Variants in RNF144A observed in about 807,000 individuals in gnomAD.
RNF144A encodes the protein ring finger protein 144A.
Under a neutral mutation model 38.7 loss-of-function variants are expected in RNF144A, and 11 were observed. The ratio of observed to expected loss-of-function variants is 0.28; its 90% CI spans 0.18 to 0.47. The LOEUF is 0.47. RNF144A is among the 20% of genes least tolerant of loss of function. The probability of loss-of-function intolerance (pLI) is 0.99; values close to 1 mark genes in which losing one functional copy is unlikely to be tolerated. For synonymous variants in RNF144A, 149 were observed against 143.9 expected (o/e 1.04, Z -0.25); for missense variants, 316 against 377.2 (o/e 0.84, Z 1.34).
At chr2:7,052,743 G>C (rs1260203351) in intron 6 of RNF144A, among the ~76,000 whole-genome samples, 3 of 152,000 alleles carry the variant, frequency 2.0e-5, no homozygotes, top group African/African-American at 7.3e-5. Flanking sequence ...TGGGGTGGGG[G>C]GGAATCACTC....
At chr2:6,992,884 G>A (rs1669482591) in intron 2 of RNF144A, among the ~76,000 whole-genome samples, 2 of 152,258 alleles carry the variant, frequency 1.3e-5, no homozygotes, top group Non-Finnish European at 1.5e-5. Flanking sequence ...TAAGTAAATT[G>A]CCTTATGCAC....
rs1361258558 is a variant in RNF144A at position 6,941,519 on chromosome 2, G to A, written c.-12+372G>A. Among the ~76,000 whole-genome samples, 1 of 152,238 alleles carries A rather than the reference G, an allele frequency of 6.6e-6. No individual in the cohort carries two copies. Among genetic ancestry groups the A allele is most frequent in the African/African-American group, 2.4e-5 (1 of 41,456 alleles). Reference sequence around the variant, plus strand: ...CTCAGAACTCAGTGAGGCAGCACCAGTGCCTGCTCTCACGAAGATTCTGTG... The same window carrying A: ...CTCAGAACTCAGTGAGGCAGCACCAATGCCTGCTCTCACGAAGATTCTGTG... On this transcript the variant is annotated intron_variant, in intron 2 of 8. Transcript: ENST00000320892. The surrounding 1 kb of genome is among the most constrained non-coding windows in gnomAD (Gnocchi z 6.5).
intron 2 of RNF144A, among the ~76,000 whole-genome samples, chr2:6,957,096 C>T (rs757603245): frequency 2.7e-4 from 41 of 152,144 alleles, no homozygotes; most frequent in Non-Finnish European, 5.1e-4. Context: ...CCTGGACAGC[C>T]CTTTGGTGGC....
At chr2:6,993,493 T>A (rs1669526187) in intron 2 of RNF144A, among the ~76,000 whole-genome samples, 1 of 152,050 alleles carries the variant, frequency 6.6e-6, no homozygotes, top group South Asian at 2.1e-4. Flanking sequence ...AGAATTGTCT[T>A]GGGAACAAGC....
rs1282429500 is a variant in RNF144A, at chr2:6,954,443, G to A, written c.-12+13296G>A. ...CTGTAGTCCACTTACAGGTTTATAAGCTACGATGCTTATTCGTTTTTTAGT... is the reference window on the plus strand; with the variant it reads ...CTGTAGTCCACTTACAGGTTTATAAACTACGATGCTTATTCGTTTTTTAGT... On this transcript the variant is annotated intron_variant, in intron 2 of 8. Coordinates refer to ENST00000320892, the MANE Select transcript of RNF144A (RefSeq NM_014746.6). Among the ~76,000 whole-genome samples the A allele has an allele frequency of 2.6e-5, 4 of 152,294 alleles. No homozygotes were observed. The South Asian group carries it at 6.2e-4, about 24-fold the overall frequency.
intron 7 of RNF144A, 73 bp downstream of exon 7, chr2:7,024,589 C>G: frequency 3.9e-6 from 6 of 1,524,970 alleles, no homozygotes; most frequent in Non-Finnish European, 4.5e-6. Context: ...AAAAATAGAC[C>G]AGCTGTTTCC....
At chr2:7,073,953 T>C in the RNF144A span, among the ~76,000 whole-genome samples, 2 of 152,198 alleles carry the variant, frequency 1.3e-5, no homozygotes, top group South Asian at 4.1e-4. Flanking sequence ...CCTTTAACTC[T>C]CACAGAGCAG....
In RNF144A at chr2:6,964,192, T is replaced by G. The variant is rs1427982400; in HGVS notation, c.-12+23045T>G. 2.6e-5 allele frequency among the ~76,000 whole-genome samples: 4 copies of G among 152,280 alleles called. No individual in the cohort carries two copies. The East Asian group carries it at 7.7e-4, about 29-fold the overall frequency. ...TCCTTTGCCCACTTTTTGAAGACAT[T>G]TATGCAGCCAAAAAACACATGAAAA... On this transcript the variant is annotated intron_variant, in intron 2 of 8. Transcript: ENST00000320892.
intron 1 of RNF144A, chr2:6,918,334 C>T (rs1477758050): frequency 6.6e-6 from 1 of 152,526 alleles, no homozygotes; most frequent in Admixed American, 6.5e-5. Context: ...GCTTGGCTCC[C>T]AGCTGTTTGG....
chr2:7,022,179 T>A (rs1671579516), intron 6 of RNF144A, among the ~76,000 whole-genome samples: 1 of 152,244 alleles, frequency 6.6e-6, no homozygotes, highest in East Asian at 1.9e-4. Flanking sequence ...AGGCTGCCTG[T>A]CAGCTGCCAT....
chr2:6,995,792 C>T (rs1669700405), intron 2 of RNF144A, among the ~76,000 whole-genome samples: 2 of 152,194 alleles, frequency 1.3e-5, no homozygotes, highest in African/African-American at 2.4e-5. Context: ...TGGTAATCTC[C>T]TTTGGCAGTA....
intron 2 of RNF144A, among the ~76,000 whole-genome samples, chr2:6,960,250 T>C (rs979902991): frequency 1.6e-4 from 24 of 152,238 alleles, no homozygotes; most frequent in Non-Finnish European, 1.0e-4. Context: ...TCATAGGCCC[T>C]TGTGCCTTTG....
At chr2:7,020,933 G>A (rs777597781) in intron 6 of RNF144A, among the ~76,000 whole-genome samples, 1 of 152,200 alleles carries the variant, frequency 6.6e-6, no homozygotes, top group Non-Finnish European at 1.5e-5. Context: ...CACTTAACAC[G>A]GCTTGGCTGG....
chr2:6,931,567 T>A (rs1301421984), intron 1 of RNF144A, among the ~76,000 whole-genome samples: 1 of 152,270 alleles, frequency 6.6e-6, no homozygotes. Context: ...ATGTCATTTT[T>A]TTCCTAGTTT....
At chr2:7,050,584 TTC>T (rs147246148) in intron 6 of RNF144A, among the ~76,000 whole-genome samples, 9,586 of 152,284 alleles carry the variant, frequency 0.063, 360 homozygotes, top group Middle Eastern at 0.18. Flanking sequence ...TCCTGGGGCA[TTC>T]TCTGTTTCCA....
intron 2 of RNF144A, among the ~76,000 whole-genome samples, chr2:6,992,697 G>A (rs1271422622): frequency 6.6e-6 from 1 of 152,164 alleles, no homozygotes; most frequent in African/African-American, 2.4e-5. Context: ...ACAGAGGTCC[G>A]TAGCCCTGGG....
chr2:6,990,531 T>A (rs575015905), intron 2 of RNF144A, among the ~76,000 whole-genome samples: 2 of 136,418 alleles, frequency 1.5e-5, no homozygotes, highest in East Asian at 4.1e-4. Context: ...TTATATATAT[T>A]GCTATGTATA....
intron 2 of RNF144A, among the ~76,000 whole-genome samples, chr2:6,980,122 G>T (rs1408819181): frequency 6.6e-6 from 1 of 152,184 alleles, no homozygotes; most frequent in Non-Finnish European, 1.5e-5. Context: ...TGGGTCTGTT[G>T]TCCCTCAACA....
chr2:6,958,747 G>A lies in RNF144A; in HGVS notation c.-12+17600G>A, dbSNP rs1667157855. On this transcript the variant is annotated intron_variant, in intron 2 of 8. Transcript: ENST00000320892. The surrounding 1 kb of genome is among the most constrained non-coding windows in gnomAD (Gnocchi z 4.5). ...CCTTCCCAATCAGACAGTTGCTTCT[G>A]TGCATCCCGCAGGAGGAGGCAGAGG... Among the ~76,000 whole-genome samples, 1 of 152,210 alleles carries A rather than the reference G, an allele frequency of 6.6e-6. No individual in the cohort carries two copies. The highest frequency in any genetic ancestry group is 6.5e-5 in the Admixed American group (1 of 15,290).
Sources: allele counts gnomAD v4.1 joint callset (sites outside exome capture counted in the v4.1 genomes callset), GRCh38; gene constraint gnomAD v4.1.1; non-coding constraint Gnocchi (gnomAD v3.1); transcripts MANE v1.5; gene names NCBI Gene and HGNC (gene_info 2026-07-23, HGNC 2026-07-21).